Variants in GPHN observed in about 807,000 individuals in gnomAD.
GPHN encodes gephyrin.
A neutral mutation model predicts 95.5 loss-of-function variants in GPHN; 17 were observed. The observed-to-expected ratio is 0.18, with a 90% CI of 0.12 to 0.27. GPHN has a LOEUF of 0.27. Ranked by LOEUF, GPHN falls within the 10% of genes least tolerant of loss-of-function variation. GPHN has a pLI of 1.00. For missense variants in GPHN, 660 were observed against 978.1 expected, an observed-to-expected ratio of 0.67 and a Z score of 4.34; for synonymous variants, 320 against 322.5, an observed-to-expected ratio of 0.99 and a Z score of 0.08.
the GPHN span, among the ~76,000 whole-genome samples, chr14:67,656,228 A>G: frequency 6.6e-6 from 1 of 150,812 alleles, no homozygotes; most frequent in East Asian, 2.0e-4. Context: ...CCTGGGTGAC[A>G]CAGTGAGACT....
chr14:66,546,195 T>A (rs2059588761), intron 1 of GPHN, among the ~76,000 whole-genome samples: 1 of 151,254 alleles, frequency 6.6e-6, no homozygotes, highest in African/African-American at 2.4e-5. Flanking sequence ...GAGGCGCTCC[T>A]CACTTCCTAG....
the GPHN span, among the ~76,000 whole-genome samples, chr14:67,492,706 C>T: frequency 1.3e-5 from 2 of 152,238 alleles, no homozygotes; most frequent in African/African-American, 4.8e-5. Context: ...ACAGCCAAGC[C>T]ACCTAGAGAT....
At chr14:66,668,554 TCTTA>T (rs1347721755) in intron 1 of GPHN, among the ~76,000 whole-genome samples, 9 of 152,298 alleles carry the variant, frequency 5.9e-5, no homozygotes, top group Admixed American at 5.9e-4. Context: ...TATTACATGT[TCTTA>T]CTTAGGAATG....
At chr14:67,662,587 T>C in the GPHN span, 1 of 1,498,876 alleles carries the variant, frequency 6.7e-7, no homozygotes, top group South Asian at 1.2e-5. Flanking sequence ...CACACATTTG[T>C]AAAGGCCATT....
intron 2 of GPHN, among the ~76,000 whole-genome samples, chr14:66,716,405 T>G (rs1186646909): frequency 6.6e-6 from 1 of 152,080 alleles, no homozygotes; most frequent in Non-Finnish European, 1.5e-5. Context: ...GTTAGATGAG[T>G]CTCTGGAAGG....
At chr14:67,505,993 C>T in the GPHN span, among the ~76,000 whole-genome samples, 1 of 152,120 alleles carries the variant, frequency 6.6e-6, no homozygotes, top group Admixed American at 6.6e-5. Flanking sequence ...AGCCACCTCA[C>T]CTGGCTGATA....
At chr14:67,518,882 C>T in the GPHN span, among the ~76,000 whole-genome samples, 323 of 152,110 alleles carry the variant, frequency 2.1e-3, 6 homozygotes, top group East Asian at 0.058. Flanking sequence ...AGGAGGGAGA[C>T]GGAGCATGGA....
chr14:66,886,070 T>C (rs1041149656), intron 5 of GPHN, among the ~76,000 whole-genome samples: 1 of 152,074 alleles, frequency 6.6e-6, no homozygotes, highest in Non-Finnish European at 1.5e-5. Flanking sequence ...CTCAAAGAAC[T>C]AAAGGAATAT....
At chr14:67,615,785 T>C in the GPHN span, 5 of 516,452 alleles carry the variant, frequency 9.7e-6, no homozygotes, top group East Asian at 3.9e-5. Context: ...TCCTTCAGCC[T>C]TTTTCTTGTT....
chr14:67,289,348 A>G, the GPHN span, among the ~76,000 whole-genome samples: 14 of 152,216 alleles, frequency 9.2e-5, no homozygotes, highest in East Asian at 1.5e-3. Context: ...TATAACAGCT[A>G]TTTACATTGT....
chr14:66,953,420 TTA>T (rs2068257050), intron 8 of GPHN, among the ~76,000 whole-genome samples: 1 of 152,090 alleles, frequency 6.6e-6, no homozygotes, highest in African/African-American at 2.4e-5. Flanking sequence ...AGATTTACCT[TTA>T]TGTTTTCTTC....
chr14:67,096,059 T>C (rs907428674), intron 12 of GPHN, among the ~76,000 whole-genome samples: 13 of 150,290 alleles, frequency 8.6e-5, no homozygotes, highest in Admixed American at 6.0e-4. Context: ...CTCGAGATGA[T>C]TTGCATGCAC....
chr14:67,276,494 T>C, the GPHN span, among the ~76,000 whole-genome samples: 1 of 152,190 alleles, frequency 6.6e-6, no homozygotes, highest in Non-Finnish European at 1.5e-5. Flanking sequence ...CCAAGTTTTA[T>C]AGTTCATTGT....
intron 8 of GPHN, among the ~76,000 whole-genome samples, chr14:66,932,694 C>T (rs2066891122): frequency 1.3e-5 from 2 of 151,396 alleles, no homozygotes; most frequent in African/African-American, 4.9e-5. Flanking sequence ...CGCTTGGCTG[C>T]CACTGATGTT....
At chr14:66,576,376 GTA>G (rs888085422) in intron 1 of GPHN, among the ~76,000 whole-genome samples, 1 of 151,880 alleles carries the variant, frequency 6.6e-6, no homozygotes, top group Admixed American at 6.6e-5. Flanking sequence ...GAGGGAAAGA[GTA>G]TGGCATAATG....
chr14:67,245,043 G>C, the GPHN span, among the ~76,000 whole-genome samples: 2 of 152,180 alleles, frequency 1.3e-5, no homozygotes, highest in Non-Finnish European at 2.9e-5. Context: ...CACAAACTAA[G>C]GAATATGAGT....
At chr14:67,272,413 T>C in the GPHN span, among the ~76,000 whole-genome samples, 1 of 152,214 alleles carries the variant, frequency 6.6e-6, no homozygotes, top group Non-Finnish European at 1.5e-5. Flanking sequence ...ATGGGCATAT[T>C]TGGATCTACT....
chr14:66,619,261 A>G (rs887027811), intron 1 of GPHN, among the ~76,000 whole-genome samples: 1 of 152,152 alleles, frequency 6.6e-6, no homozygotes, highest in Non-Finnish European at 1.5e-5. Context: ...AAATGGCTAG[A>G]TCATTGGGTA....
intron 5 of GPHN, among the ~76,000 whole-genome samples, chr14:66,907,973 T>C (rs192022514): frequency 4.1e-4 from 62 of 152,180 alleles, no homozygotes; most frequent in Non-Finnish European, 1.5e-4. Flanking sequence ...TGAACTCATA[T>C]CTAGCTTTAA....
Sources: gnomAD v4.1 joint callset for allele counts (sites outside exome capture counted in the v4.1 genomes callset) on GRCh38, gnomAD v4.1.1 for gene constraint, MANE v1.5 for transcripts, NCBI Gene and HGNC (gene_info 2026-07-23, HGNC 2026-07-21) for gene names.